Variants in PTPRD observed in about 807,000 individuals in gnomAD.
The protein encoded by PTPRD is protein tyrosine phosphatase receptor type D.
PTPRD carries 34 observed loss-of-function variants against 214.5 expected under a neutral mutation model. That is an observed-to-expected ratio of 0.16 (90% CI 0.12 to 0.21). The LOEUF (loss-of-function observed/expected upper bound fraction) is 0.21, where lower values mean the gene tolerates loss of function less well. PTPRD is among the 10% of genes least tolerant of loss of function. PTPRD has a pLI of 1.00. For missense variants in PTPRD, 2,545 were observed against 2,398.7 expected, an observed-to-expected ratio of 1.06 and a Z score of -1.27; for synonymous variants, 1,128 against 845.7, an observed-to-expected ratio of 1.33 and a Z score of -5.79.
chr9:8,646,060 A>AG (rs1387094127), intron 12 of PTPRD, among the ~76,000 whole-genome samples: 3 of 145,584 alleles, frequency 2.1e-5, no homozygotes, highest in African/African-American at 8.0e-5. Context: ...GAGTCCTAAA[A>AG]GAAAAAAAAA....
Position 9,813,794 on chromosome 9 carries a change from G to A in PTPRD, c.-367-46943C>T, listed in dbSNP as rs117740257. Among the ~76,000 whole-genome samples, 1,417 of 152,154 alleles carry A rather than the reference G, an allele frequency of 9.3e-3. 13 individuals are homozygous for A. Among genetic ancestry groups the A allele is most frequent in the Non-Finnish European group, 0.012 (832 of 67,944 alleles). On this transcript the variant is annotated intron_variant, in intron 5 of 45. Transcript: ENST00000381196. ...CAGAATTACCCTCATACCAAACCCAGATAAAGATGCGAAAAGAAAATTATA... is the reference window on the plus strand; with the variant it reads ...CAGAATTACCCTCATACCAAACCCAAATAAAGATGCGAAAAGAAAATTATA...
chr9:8,817,366 C>T (rs566610553), intron 11 of PTPRD, among the ~76,000 whole-genome samples: 3 of 152,262 alleles, frequency 2.0e-5, no homozygotes, highest in South Asian at 4.1e-4. Flanking sequence ...AAAAGAAGTT[C>T]TATGTTCTCA....
rs573980577 is a variant in PTPRD at position 10,269,367 on chromosome 9, T to C, written c.-545+71596A>G. Among the ~76,000 whole-genome samples the C allele has an allele frequency of 3.3e-5, 5 of 152,242 alleles. No individual in the cohort carries two copies. The South Asian group carries it at 1.0e-3, about 32-fold the overall frequency. ...AGATAAACATGTGGTTCCTATTGAGTAATATTTTTGTTTGTTTGTATGTAT... is the reference window on the plus strand; with the variant it reads ...AGATAAACATGTGGTTCCTATTGAGCAATATTTTTGTTTGTTTGTATGTAT... On this transcript the variant is annotated intron_variant, in intron 3 of 45. Transcript: ENST00000381196.
intron 8 of PTPRD, among the ~76,000 whole-genome samples, chr9:9,477,247 C>T (rs1037648762): frequency 2.0e-5 from 3 of 152,206 alleles, no homozygotes; most frequent in African/African-American, 7.2e-5. Flanking sequence ...AGTCATCTCA[C>T]TACCTTCAGT....
intron 14 of PTPRD, among the ~76,000 whole-genome samples, chr9:8,566,776 A>T (rs2089413028): frequency 6.6e-6 from 1 of 152,224 alleles, no homozygotes; most frequent in African/African-American, 2.4e-5. Flanking sequence ...ATAAAAAGTG[A>T]TTGTAAACAT....
At chr9:10,293,233 G>A (rs1480605952) in intron 3 of PTPRD, among the ~76,000 whole-genome samples, 3 of 151,652 alleles carry the variant, frequency 2.0e-5, no homozygotes, top group Non-Finnish European at 4.4e-5. Context: ...AAAAAATATT[G>A]GGGTTTTCCT....
At chr9:9,568,244 C>T (rs1211512957) in intron 8 of PTPRD, among the ~76,000 whole-genome samples, 1 of 151,958 alleles carries the variant, frequency 6.6e-6, no homozygotes, top group African/African-American at 2.4e-5. Flanking sequence ...AAATTTAAAG[C>T]TTGAAAGGAT....
intron 2 of PTPRD, among the ~76,000 whole-genome samples, chr9:10,430,704 T>G (rs767350963): frequency 3.2e-4 from 48 of 151,936 alleles, no homozygotes; most frequent in Non-Finnish European, 8.8e-5. Flanking sequence ...AATATACTTA[T>G]AGAAATCTAT....
chr9:8,495,462 G>A (rs969198132), intron 26 of PTPRD, among the ~76,000 whole-genome samples: 1 of 151,920 alleles, frequency 6.6e-6, no homozygotes, highest in Non-Finnish European at 1.5e-5. Context: ...TTTCCTATCT[G>A]CCACCTTTTT....
intron 5 of PTPRD, among the ~76,000 whole-genome samples, chr9:9,891,384 T>A (rs529252676): frequency 6.6e-6 from 1 of 152,242 alleles, no homozygotes; most frequent in African/African-American, 2.4e-5. Flanking sequence ...CTTTTTTTTT[T>A]TTTTTAGCAC....
chr9:10,315,597 G>C (rs1287914761), intron 3 of PTPRD, among the ~76,000 whole-genome samples: 1 of 151,876 alleles, frequency 6.6e-6, no homozygotes, highest in Non-Finnish European at 1.5e-5. Context: ...ATGTTTTAGA[G>C]TGTCTCAATT....
At chr9:9,828,381 C>T (rs1177791705) in intron 5 of PTPRD, among the ~76,000 whole-genome samples, 1 of 151,450 alleles carries the variant, frequency 6.6e-6, no homozygotes, top group African/African-American at 2.4e-5. Context: ...GGAAATCATT[C>T]TCAGTAAACT....
At chr9:10,094,740 C>T (rs958929045) in intron 3 of PTPRD, among the ~76,000 whole-genome samples, 6 of 151,288 alleles carry the variant, frequency 4.0e-5, no homozygotes, top group Non-Finnish European at 8.9e-5. Context: ...TAATGGCTCT[C>T]ATGGCAAAAT....
intron 4 of PTPRD, among the ~76,000 whole-genome samples, chr9:9,950,484 G>C (rs2093346197): frequency 5.8e-5 from 2 of 34,700 alleles, no homozygotes; most frequent in South Asian, 2.0e-3. Context: ...CAGCACTTTG[G>C]GAGGCCGAGG....
chr9:10,187,323 A>C (rs1026515125), intron 3 of PTPRD, among the ~76,000 whole-genome samples: 3 of 152,158 alleles, frequency 2.0e-5, no homozygotes, highest in Non-Finnish European at 4.4e-5. Context: ...GTTTACCAAA[A>C]ACTGAGAGGT....
intron 2 of PTPRD, among the ~76,000 whole-genome samples, chr9:10,419,777 C>G (rs559439754): frequency 6.6e-6 from 1 of 151,796 alleles, no homozygotes; most frequent in Non-Finnish European, 1.5e-5. Context: ...TTATCATGTA[C>G]AATCTGAAAT....
chr9:9,149,316 T>C (rs1023408507), intron 10 of PTPRD, among the ~76,000 whole-genome samples: 26 of 152,350 alleles, frequency 1.7e-4, no homozygotes, highest in Non-Finnish European at 2.9e-5. Flanking sequence ...GCTATTGTTA[T>C]TGCCATTATT....
At chr9:9,258,179 A>G (rs1313388877) in intron 9 of PTPRD, among the ~76,000 whole-genome samples, 1 of 151,972 alleles carries the variant, frequency 6.6e-6, no homozygotes, top group Non-Finnish European at 1.5e-5. Flanking sequence ...GATGGCTGAC[A>G]GCTGCAAAAA....
At chr9:8,581,606 G>A (rs1185879275) in intron 14 of PTPRD, among the ~76,000 whole-genome samples, 1 of 152,030 alleles carries the variant, frequency 6.6e-6, no homozygotes, top group African/African-American at 2.4e-5. Context: ...AAATTAGCTG[G>A]GCATGGTGGC....
Sources: gnomAD v4.1 joint callset for allele counts (sites outside exome capture counted in the v4.1 genomes callset) on GRCh38, gnomAD v4.1.1 for gene constraint, MANE v1.5 for transcripts, NCBI Gene and HGNC (gene_info 2026-07-23, HGNC 2026-07-21) for gene names.